Variants in RGS3 observed in about 807,000 individuals in gnomAD.
The protein encoded by RGS3 is regulator of G protein signaling 3, also known as regulator of G-protein signalling 3.
RGS3 carries 80 observed loss-of-function variants against 132.6 expected under a neutral mutation model. That is an observed-to-expected ratio of 0.60 (90% CI 0.50 to 0.73). RGS3 has a LOEUF of 0.73. Ranked by LOEUF, RGS3 falls within the 30% of genes least tolerant of loss-of-function variation. The probability of loss-of-function intolerance (pLI) is 0.00; values close to 1 mark genes in which losing one functional copy is unlikely to be tolerated. For missense variants in RGS3, 1,382 were observed against 1,530.8 expected (o/e 0.90, Z 1.62); for synonymous variants, 598 against 620.6 (o/e 0.96, Z 0.54).
At chr9:113,454,047 C>G (rs1001151631) in intron 1 of RGS3, among the ~76,000 whole-genome samples, 1 of 151,956 alleles carries the variant, frequency 6.6e-6, no homozygotes, top group Non-Finnish European at 1.5e-5. Flanking sequence ...CTCCTGGCCT[C>G]AAGCCATCCT....
At chr9:113,545,633 G>A (rs1202373500) in intron 19 of RGS3, among the ~76,000 whole-genome samples, 5 of 151,944 alleles carry the variant, frequency 3.3e-5, no homozygotes, top group South Asian at 2.1e-4. Flanking sequence ...TCTCTTCCTC[G>A]AAGACTTTCT....
At chr9:113,593,398 GT>G (rs1289236891) in intron 21 of RGS3, 1 of 152,380 alleles carries the variant, frequency 6.6e-6, no homozygotes, top group Non-Finnish European at 1.5e-5. Context: ...TTTGGTTTGA[GT>G]CAGCATTTTC....
At chr9:113,527,041 A>C (rs1376050706) in intron 17 of RGS3, among the ~76,000 whole-genome samples, 1 of 152,178 alleles carries the variant, frequency 6.6e-6, no homozygotes, top group Non-Finnish European at 1.5e-5. Flanking sequence ...TGCTGCCCCC[A>C]TTCCGTCCTC....
chr9:113,480,659 A>C (rs892855571), intron 4 of RGS3, among the ~76,000 whole-genome samples: 1 of 152,140 alleles, frequency 6.6e-6, no homozygotes, highest in African/African-American at 2.4e-5. Flanking sequence ...CCAGGCAAAG[A>C]GGAGCAGGGA....
intron 3 of RGS3, among the ~76,000 whole-genome samples, chr9:113,477,218 TA>T (rs141855809): frequency 0.014 from 2,066 of 152,298 alleles, 42 homozygotes; most frequent in African/African-American, 0.047. Context: ...GAGAGTGCCA[TA>T]ACCCCTGTTA....
At chr9:113,493,752 C>A (rs1326935763) in intron 7 of RGS3, among the ~76,000 whole-genome samples, 1 of 152,088 alleles carries the variant, frequency 6.6e-6, no homozygotes, top group Non-Finnish European at 1.5e-5. Flanking sequence ...CGAACCCCAC[C>A]TTGGACCAAC....
chr9:113,463,743 G>A lies in RGS3; in HGVS notation c.415+1542G>A. ...TCCCGCCCTGGAGACTCCGGTTACT[G>A]GGGAGCAACACAGCCGCCTCGGGTT... On this transcript the variant is annotated intron_variant, in intron 3 of 24. Coordinates refer to ENST00000350696, the Ensembl canonical transcript of RGS3. The surrounding 1 kb of genome is among the most constrained non-coding windows in gnomAD (Gnocchi z 4.6). 1 of 1,541,140 alleles carries A rather than the reference G, an allele frequency of 6.5e-7. No individual in the cohort carries two copies. Among genetic ancestry groups the A allele is most frequent in the Non-Finnish European group, 8.7e-7 (1 of 1,145,278 alleles).
intron 19 of RGS3, chr9:113,541,244 C>A: frequency 6.7e-7 from 1 of 1,502,924 alleles, no homozygotes; most frequent in Non-Finnish European, 9.1e-7. Flanking sequence ...TAGAAAGGAA[C>A]AGAGGCAGGT....
intron 15 of RGS3, among the ~76,000 whole-genome samples, chr9:113,516,950 A>G (rs1831702245): frequency 6.6e-6 from 1 of 152,252 alleles, no homozygotes; most frequent in Non-Finnish European, 1.5e-5. Context: ...CTGCTGGGTA[A>G]TCCAGAGCTT....
chr9:113,574,121 A>G (rs914143214), intron 19 of RGS3, among the ~76,000 whole-genome samples: 1 of 152,204 alleles, frequency 6.6e-6, no homozygotes, highest in Admixed American at 6.5e-5. Context: ...TGCTCAGTTA[A>G]TGATCTCTCT....
intron 3 of RGS3, among the ~76,000 whole-genome samples, chr9:113,462,988 A>G (rs1475076923): frequency 6.6e-6 from 1 of 152,206 alleles, no homozygotes; most frequent in Non-Finnish European, 1.5e-5. Context: ...TTGCTGACAA[A>G]GCAGCAAAGC....
intron 7 of RGS3, among the ~76,000 whole-genome samples, chr9:113,486,492 G>A (rs1008286735): frequency 3.3e-5 from 5 of 152,242 alleles, no homozygotes; most frequent in African/African-American, 1.2e-4. Flanking sequence ...AGTGACGGCA[G>A]TTAGAGCGGA....
chr9:113,578,423 C>A (rs1588280358), intron 19 of RGS3, among the ~76,000 whole-genome samples: 1 of 152,186 alleles, frequency 6.6e-6, no homozygotes, highest in East Asian at 1.9e-4. Flanking sequence ...CCAAAGGTCA[C>A]CCAGCAAGTA....
chr9:113,595,053 T>C (rs1281645800), intron 23 of RGS3, 73 bp downstream of exon 21: 11 of 1,430,240 alleles, frequency 7.7e-6, no homozygotes, highest in Middle Eastern at 1.8e-4. Flanking sequence ...AGACCCTGTG[T>C]AGCTGGTGCT....
rs150045948 is a variant in RGS3, at chr9:113,595,629, G to T, written c.3275G>T (p.Arg1092Leu). The T allele has an allele frequency of 1.4e-5, 23 of 1,614,032 alleles. No homozygotes were observed. Among genetic ancestry groups the T allele is most frequent in the Non-Finnish European group, 1.9e-5 (23 of 1,179,994 alleles). The change falls in exon 24 of 25, where the codon CGC (arginine) becomes CTC (leucine). Residue 1092 changes from arginine to leucine, a missense_variant. Physicochemically the swap from Arg to Leu is moderately radical, Grantham distance 102 (BLOSUM62 -2). Coordinates refer to ENST00000350696, the Ensembl canonical transcript of RGS3. The stretch of plus-strand genomic sequence containing the variant: ...TTAGCAGTGTTCCAAGCCTTCCTTC[G>T]CACTGAGTTCAGTGAGGAGAATCTG...
Position 113,591,444 on chromosome 9 carries a change from C to T in RGS3, c.3080+47C>T, listed in dbSNP as rs372363009. On this transcript the variant is annotated intron_variant, in intron 21 of 24. Transcript: ENST00000350696. This position sits in a 1 kb window ranked among gnomAD's most constrained non-coding sequence, Gnocchi z 4.4. ...CTTCTGCGCTCCTCTTCCTCCCTTG[C>T]CCCAGGGCTTGTCTCTCCTCTAGGG... The T allele has an allele frequency of 3.4e-5, 53 of 1,548,490 alleles. No individual in the cohort carries two copies. The East Asian group carries it at 1.0e-3, about 30-fold the overall frequency.
chr9:113,577,163 T>C (rs111551946), intron 19 of RGS3, among the ~76,000 whole-genome samples: 13,108 of 152,064 alleles, frequency 0.086, 650 homozygotes, highest in Non-Finnish European at 0.097. Context: ...CTCGTATTTT[T>C]AGTAGAGACA....
At chr9:113,552,850 A>C (rs1373948981) in intron 19 of RGS3, among the ~76,000 whole-genome samples, 1 of 152,204 alleles carries the variant, frequency 6.6e-6, no homozygotes, top group African/African-American at 2.4e-5. Context: ...TTTTTGTTAA[A>C]TTTATTTGAG....
intron 3 of RGS3, among the ~76,000 whole-genome samples, chr9:113,475,474 T>C (rs955244636): frequency 6.6e-6 from 1 of 152,114 alleles, no homozygotes; most frequent in African/African-American, 2.4e-5. Flanking sequence ...CGTGCAATCA[T>C]AGCTCACTAC....
Sources: allele counts gnomAD v4.1 joint callset (sites outside exome capture counted in the v4.1 genomes callset), GRCh38; gene constraint gnomAD v4.1.1; non-coding constraint Gnocchi (gnomAD v3.1); transcripts MANE v1.5; gene names NCBI Gene and HGNC (gene_info 2026-07-23, HGNC 2026-07-21).